Variants in EPC1 observed in about 807,000 individuals in gnomAD.
The protein encoded by EPC1 is enhancer of polycomb 1, also known as enhancer of polycomb homolog 1.
Under a neutral mutation model 98.4 loss-of-function variants are expected in EPC1, and 12 were observed. The ratio of observed to expected loss-of-function variants is 0.12; its 90% CI spans 0.08 to 0.20. The LOEUF (loss-of-function observed/expected upper bound fraction) is 0.20, where lower values mean the gene tolerates loss of function less well. EPC1 is among the 10% of genes least tolerant of loss of function. The pLI, the probability that EPC1 is intolerant of heterozygous loss-of-function variation, is 1.00. For missense variants in EPC1, 729 were observed against 990.5 expected (o/e 0.74, Z 3.54); for synonymous variants, 357 against 363.9 (o/e 0.98, Z 0.21).
intron 1 of EPC1, among the ~76,000 whole-genome samples, chr10:32,361,016 G>GC (rs768475753): frequency 8.5e-5 from 13 of 152,132 alleles, no homozygotes; most frequent in Non-Finnish European, 1.6e-4. Flanking sequence ...TGTAACAAAG[G>GC]CCAAGGGAGC....
intron 1 of EPC1, among the ~76,000 whole-genome samples, chr10:32,356,873 C>A (rs1339068600): frequency 6.6e-6 from 1 of 151,996 alleles, no homozygotes; most frequent in Non-Finnish European, 1.5e-5. Flanking sequence ...AGTCCCAACT[C>A]GGGAGGCTGA....
upstream of EPC1, among the ~76,000 whole-genome samples, chr10:32,351,191 A>C (rs1839098959): frequency 1.3e-5 from 2 of 152,136 alleles, no homozygotes; most frequent in Admixed American, 1.3e-4. Context: ...TCCCTTCCCC[A>C]AGTCATATCT....
At chr10:32,310,864 ACT>A (rs1473217699) in intron 1 of EPC1, among the ~76,000 whole-genome samples, 1 of 151,838 alleles carries the variant, frequency 6.6e-6, no homozygotes, top group Non-Finnish European at 1.5e-5. Context: ...ACAGAGCAAG[ACT>A]CTGTCTCAAA....
At chr10:32,309,493 CT>C (rs67775039) in intron 1 of EPC1, among the ~76,000 whole-genome samples, 21,607 of 142,340 alleles carry the variant, frequency 0.15, 1,679 homozygotes, top group South Asian at 0.3. Flanking sequence ...TATTTTCAAG[CT>C]TTTTTTTTTT....
At chr10:32,372,926 AG>A (rs1277937419) in intron 1 of EPC1, among the ~76,000 whole-genome samples, 1 of 152,212 alleles carries the variant, frequency 6.6e-6, no homozygotes, top group Non-Finnish European at 1.5e-5. Flanking sequence ...TGGGAGGCTG[AG>A]GCAGGAGAAT....
chr10:32,343,681 C>T (rs903095927), intron 1 of EPC1, among the ~76,000 whole-genome samples: 1 of 108,720 alleles, frequency 9.2e-6, no homozygotes, highest in Non-Finnish European at 1.9e-5. Flanking sequence ...CATTTTCTGC[C>T]TCCAAATTAT....
At chr10:32,320,265 A>G (rs944017543) in intron 1 of EPC1, among the ~76,000 whole-genome samples, 4 of 152,148 alleles carry the variant, frequency 2.6e-5, no homozygotes, top group African/African-American at 9.7e-5. Flanking sequence ...AAGAGATTCA[A>G]GTACTGCTTC....
Position 32,278,469 on chromosome 10 carries a change from C to T in EPC1, c.1745-5188G>A, listed in dbSNP as rs1592537212. 6.8e-5 allele frequency among the ~76,000 whole-genome samples: 9 copies of T among 133,004 alleles called. 3 individuals are homozygous for T. The Admixed American group carries it at 7.0e-4, about 10-fold the overall frequency. The allele number at this position is 133,004 out of a possible 152,430, so 87.3% of individuals were successfully genotyped here. A position where few individuals can be genotyped will look rare whatever the true frequency, so the allele number is the denominator to read the frequency against. Reference sequence around the variant, plus strand: ...GGATCTCGGCTCACTGCAAGCTCCGCCTCCCGGGTTCACGCCATTCTCCTG... The same window carrying T: ...GGATCTCGGCTCACTGCAAGCTCCGTCTCCCGGGTTCACGCCATTCTCCTG... On this transcript the variant is annotated intron_variant, in intron 10 of 13. Transcript: ENST00000319778.
At chr10:32,378,406 T>G (rs997638965) in intron 1 of EPC1, 2 of 1,127,288 alleles carry the variant, frequency 1.8e-6, no homozygotes, top group East Asian at 2.6e-5. Flanking sequence ...AAAGATTGGT[T>G]TTGTTAGAAG....
Position 32,378,442 on chromosome 10 carries a change from C to T in EPC1, c.3+49G>A, listed in dbSNP as rs113407017. On this transcript the variant is annotated intron_variant, in intron 1 of 13. Coordinates refer to the EPC1 transcript ENST00000375110. ...AAACACAATGAAAATCCTTTTTAGC[C>T]GGTGGCTCTTTCAAAGACTGACATA... 286 of 1,475,134 alleles carry T rather than the reference C, an allele frequency of 1.9e-4. No homozygotes were observed. The African/African-American group carries it at 3.1e-3, about 16-fold the overall frequency. The allele number at this position is 1,475,134 out of a possible 1,614,324, so 91.4% of individuals were successfully genotyped here. A position where few individuals can be genotyped will look rare whatever the true frequency, so the allele number is the denominator to read the frequency against.
chr10:32,313,532 A>G (rs7068852), intron 1 of EPC1, among the ~76,000 whole-genome samples: 4,985 of 152,312 alleles, frequency 0.033, 272 homozygotes, highest in African/African-American at 0.11. Context: ...TCGCTTTATC[A>G]GTGGAGAAAG....
chr10:32,351,530 C>T (rs185133108), upstream of EPC1, among the ~76,000 whole-genome samples: 5 of 151,542 alleles, frequency 3.3e-5, no homozygotes, highest in Admixed American at 1.3e-4. Context: ...TGGTGGTGCA[C>T]GCCTGTAATC....
chr10:32,325,186 T>A (rs1025715449), intron 1 of EPC1, among the ~76,000 whole-genome samples: 3 of 152,074 alleles, frequency 2.0e-5, no homozygotes, highest in Admixed American at 2.0e-4. Context: ...AACTTCAACT[T>A]GTACAAGAGA....
At chr10:32,307,271 T>G (rs564723107) in intron 1 of EPC1, among the ~76,000 whole-genome samples, 11 of 152,326 alleles carry the variant, frequency 7.2e-5, no homozygotes, top group African/African-American at 2.4e-4. Context: ...AAAGAACCAC[T>G]CATGTATTAC....
intron 1 of EPC1, among the ~76,000 whole-genome samples, chr10:32,346,178 G>A (rs61422085): frequency 0.034 from 5,199 of 152,310 alleles, 282 homozygotes; most frequent in African/African-American, 0.12. Flanking sequence ...GCCTCATAGA[G>A]CAGCAGGCGA....
chr10:32,323,401 T>G (rs1336656675), intron 1 of EPC1, among the ~76,000 whole-genome samples: 1 of 152,204 alleles, frequency 6.6e-6, no homozygotes, highest in African/African-American at 2.4e-5. Context: ...CCCCTTTTAT[T>G]TATAATTACC....
chr10:32,336,032 A>G (rs893086749), intron 1 of EPC1, among the ~76,000 whole-genome samples: 1 of 149,232 alleles, frequency 6.7e-6, no homozygotes, highest in Non-Finnish European at 1.5e-5. Context: ...CCCAGCTTAG[A>G]TTCCATGGTC....
chr10:32,315,931 A>G (rs1836523813), intron 1 of EPC1, among the ~76,000 whole-genome samples: 1 of 152,200 alleles, frequency 6.6e-6, no homozygotes, highest in East Asian at 1.9e-4. Context: ...ATAAATCCCA[A>G]AGTCCTTAAA....
intron 2 of EPC1, among the ~76,000 whole-genome samples, chr10:32,295,987 G>A (rs1484800087): frequency 6.6e-6 from 1 of 151,420 alleles, no homozygotes; most frequent in African/African-American, 2.4e-5. Flanking sequence ...GCAGTGGGGC[G>A]ATCTCGGCTT....
Sources: gnomAD v4.1 joint callset for allele counts (sites outside exome capture counted in the v4.1 genomes callset) on GRCh38, gnomAD v4.1.1 for gene constraint, MANE v1.5 for transcripts, NCBI Gene and HGNC (gene_info 2026-07-23, HGNC 2026-07-21) for gene names.